CYB5R4: variants seen among roughly 807,000 people sequenced by gnomAD.
The protein encoded by CYB5R4 is cytochrome b5 reductase 4.
CYB5R4 carries 55 observed loss-of-function variants against 70.2 expected under a neutral mutation model. That is an observed-to-expected ratio of 0.78 (90% CI 0.63 to 0.98). The LOEUF (loss-of-function observed/expected upper bound fraction) is 0.98. CYB5R4 is among the 50% of genes least tolerant of loss of function. The probability of loss-of-function intolerance (pLI) is 0.00; values close to 1 mark genes in which losing one functional copy is unlikely to be tolerated. For missense variants in CYB5R4, 562 were observed against 612.6 expected, an observed-to-expected ratio of 0.92 and a Z score of 0.87; for synonymous variants, 197 against 199.5, an observed-to-expected ratio of 0.99 and a Z score of 0.11.
At chr6:83,902,273 A>C (rs1230224608) in intron 3 of CYB5R4, among the ~76,000 whole-genome samples, 1 of 152,120 alleles carries the variant, frequency 6.6e-6, no homozygotes, top group African/African-American at 2.4e-5. Flanking sequence ...TTATTGAAGA[A>C]GGTGTCCTTT....
At chr6:83,909,580 A>T (rs1231505018) in intron 4 of CYB5R4, among the ~76,000 whole-genome samples, 2 of 152,198 alleles carry the variant, frequency 1.3e-5, no homozygotes, top group African/African-American at 4.8e-5. Flanking sequence ...AGCAGTTTAA[A>T]AGTGAAGATA....
In CYB5R4 at chr6:83,919,760, CTGTGTGTGTGTGTG is replaced by C. The variant is rs58002492; in HGVS notation, c.564+334_564+347del. 1.2e-3 allele frequency among the ~76,000 whole-genome samples: 175 copies of C among 142,084 alleles called. 1 individual carries two copies. Among genetic ancestry groups the C allele is most frequent in the Admixed American group, 2.2e-3 (31 of 14,226 alleles). The allele number at this position is 142,084 out of a possible 152,430, so 93.2% of individuals were successfully genotyped here. ...AGTAGGAAGTATTTTATGTGTTTTT[CTGTGTGTGTGTGTG>C]TGTGTGTGTGTGTGTGTGTGTGTGT... On this transcript the variant is annotated intron_variant, in intron 7 of 15. Coordinates refer to ENST00000369681, the MANE Select transcript of CYB5R4 (RefSeq NM_016230.4).
chr6:83,920,735 T>TG (rs1285406320), intron 7 of CYB5R4, among the ~76,000 whole-genome samples: 1 of 89,420 alleles, frequency 1.1e-5, no homozygotes, highest in African/African-American at 4.5e-5. Context: ...TGTAATTTTC[T>TG]GGGGGGTGGG....
At chr6:83,958,089 A>T (rs965063608) in intron 15 of CYB5R4, among the ~76,000 whole-genome samples, 7 of 152,306 alleles carry the variant, frequency 4.6e-5, no homozygotes, top group Middle Eastern at 6.8e-3. Context: ...TCCCAGACAT[A>T]TTCTCCATAT....
intron 4 of CYB5R4, among the ~76,000 whole-genome samples, chr6:83,911,577 C>G (rs964880715): frequency 6.6e-6 from 1 of 150,804 alleles, no homozygotes; most frequent in African/African-American, 2.4e-5. Context: ...TTTTTTTTTC[C>G]TAGAATGCTT....
At chr6:83,927,399 C>T (rs963287035) in intron 10 of CYB5R4, among the ~76,000 whole-genome samples, 4 of 152,118 alleles carry the variant, frequency 2.6e-5, no homozygotes, top group African/African-American at 7.2e-5. Flanking sequence ...GGCTTAGTCC[C>T]ACAAGACTGC....
chr6:83,925,376 C>G (rs1250560678), intron 10 of CYB5R4, among the ~76,000 whole-genome samples: 5 of 152,188 alleles, frequency 3.3e-5, no homozygotes, highest in Non-Finnish European at 7.3e-5. Flanking sequence ...CTACCTCCAA[C>G]ACTGGGGATT....
chr6:83,943,575 A>G (rs998813121), intron 14 of CYB5R4, among the ~76,000 whole-genome samples: 11 of 151,978 alleles, frequency 7.2e-5, no homozygotes, highest in Non-Finnish European at 1.2e-4. Flanking sequence ...AAGGATCACA[A>G]CTCCTCACTA....
chr6:83,956,640 G>T (rs1236118959), intron 15 of CYB5R4, among the ~76,000 whole-genome samples: 3 of 152,170 alleles, frequency 2.0e-5, no homozygotes, highest in Admixed American at 1.3e-4. Flanking sequence ...GGAAGAAGAA[G>T]ATCTAGCTAT....
chr6:83,885,483 A>G (rs1349972229), intron 2 of CYB5R4, among the ~76,000 whole-genome samples: 1 of 152,202 alleles, frequency 6.6e-6, no homozygotes, highest in African/African-American at 2.4e-5. Flanking sequence ...ATGGTGATAC[A>G]GTTCACTCCT....
At position 83,934,644 on chromosome 6, in the gene CYB5R4, T is replaced by C. The variant is rs2129142207; in HGVS notation, c.864T>C (p.His288=). The C allele has an allele frequency of 1.2e-6, 2 of 1,613,288 alleles. No homozygotes were observed. Among genetic ancestry groups the C allele is most frequent in the African/African-American group, 2.7e-5 (2 of 75,054 alleles). ...CQLISKEDVT[H]DTRLFCLMLP... ...TAATTTCCAAGGAAGATGTTACTCATGATACGAGGCTTTTCTGTTTGATGC... is the reference window on the plus strand; with the variant it reads ...TAATTTCCAAGGAAGATGTTACTCACGATACGAGGCTTTTCTGTTTGATGC... The change falls in exon 11 of 16, where the codon CAT becomes CAC. Residue 288 remains histidine (H), a synonymous_variant. Transcript: ENST00000369681.
Position 83,963,927 on chromosome 6 carries a change from G to A in CYB5R4, c.*4049G>A, listed in dbSNP as rs1040540737. The A allele has an allele frequency of 1.1e-5, 2 of 187,582 alleles. No homozygotes were observed. Among genetic ancestry groups the A allele is most frequent in the South Asian group, 1.2e-4 (1 of 8,272 alleles). The allele number at this position is 187,582 out of a possible 1,614,324, so 11.6% of individuals were successfully genotyped here. A position where few individuals can be genotyped will look rare whatever the true frequency, so the allele number is the denominator to read the frequency against. The stretch of plus-strand genomic sequence containing the variant: ...TAGTGAATAACTCTCACAAGACCTG[G>A]TGGTTTTATCAGGGGTTTCCGCTTT... On this transcript the variant is annotated 3_prime_UTR_variant, in exon 16 of 16. Coordinates refer to ENST00000369681, the MANE Select transcript of CYB5R4 (RefSeq NM_016230.4).
chr6:83,920,764 T>C (rs2099466246), intron 7 of CYB5R4, among the ~76,000 whole-genome samples: 1 of 151,768 alleles, frequency 6.6e-6, no homozygotes, highest in Non-Finnish European at 1.5e-5. Context: ...TCCATATGGC[T>C]TATTCAAAAA....
At chr6:83,936,636 A>G (rs1485191059) in intron 12 of CYB5R4, among the ~76,000 whole-genome samples, 1 of 152,140 alleles carries the variant, frequency 6.6e-6, no homozygotes, top group East Asian at 1.9e-4. Flanking sequence ...TTCCCAGTCC[A>G]GTCAGCCGCT....
chr6:83,924,282 A>G (rs1162514430), intron 9 of CYB5R4, among the ~76,000 whole-genome samples, 188 bp from the exon 10 acceptor site: 2 of 152,088 alleles, frequency 1.3e-5, no homozygotes, highest in Non-Finnish European at 2.9e-5. Context: ...TATTAATAAA[A>G]TAAAGCATAT....
At position 83,960,531 on chromosome 6, in the gene CYB5R4, C is replaced by T. The variant is rs1033552112; in HGVS notation, c.*653C>T. On this transcript the variant is annotated 3_prime_UTR_variant, in exon 16 of 16. Transcript: ENST00000369681. ...ATATATTAGAGACATGACACACATGCGCCTTTGGACTAGGTGTGTTAACAG... is the reference window on the plus strand; with the variant it reads ...ATATATTAGAGACATGACACACATGTGCCTTTGGACTAGGTGTGTTAACAG... 8 of 152,158 alleles carry T rather than the reference C, an allele frequency of 5.3e-5. No individual in the cohort carries two copies. Among genetic ancestry groups the T allele is most frequent in the South Asian group, 2.1e-4 (1 of 4,828 alleles). 9.4% of individuals were successfully genotyped at this position (152,158 alleles called of 1,614,324 possible).
At chr6:83,863,669 G>A (rs1036729374) in intron 1 of CYB5R4, among the ~76,000 whole-genome samples, 3 of 151,916 alleles carry the variant, frequency 2.0e-5, no homozygotes, top group Non-Finnish European at 2.9e-5. Context: ...TGGGTTCCGC[G>A]TCCAAGGATT....
chr6:83,936,526 C>T, intron 12 of CYB5R4, 150 bp downstream of exon 12: 1 of 656,472 alleles, frequency 1.5e-6, no homozygotes, highest in Non-Finnish European at 2.6e-6. Context: ...CACAGCGTGG[C>T]CATGCTCCAT....
At chr6:83,959,433 G>C (rs555242726) in intron 15 of CYB5R4, among the ~76,000 whole-genome samples, 1 of 152,250 alleles carries the variant, frequency 6.6e-6, no homozygotes, top group Admixed American at 6.5e-5. Flanking sequence ...GGTTTTAGGA[G>C]ACTCAACAAA....
Sources: allele counts gnomAD v4.1 joint callset (sites outside exome capture counted in the v4.1 genomes callset), GRCh38; gene constraint gnomAD v4.1.1; transcripts MANE v1.5; gene names NCBI Gene and HGNC (gene_info 2026-07-23, HGNC 2026-07-21).